The following SLC4A4 variants were observed in gnomAD, a reference collection of about 807,000 sequenced individuals.
SLC4A4 encodes the protein electrogenic sodium bicarbonate cotransporter 1.
Under a neutral mutation model 111.5 loss-of-function variants are expected in SLC4A4, and 27 were observed. The observed-to-expected ratio is 0.24, with a 90% CI of 0.18 to 0.33. The LOEUF is 0.33. Among genes scored for constraint, SLC4A4 ranks in the 10% least tolerant of loss-of-function variants. The pLI is 1.00. For synonymous variants in SLC4A4, 443 were observed against 463.4 expected (o/e 0.96, Z 0.57); for missense variants, 909 against 1,315.5 (o/e 0.69, Z 4.78).
intron 1 of SLC4A4, among the ~76,000 whole-genome samples, chr4:71,228,536 G>C (rs1719192712): frequency 6.6e-6 from 1 of 152,164 alleles, no homozygotes; most frequent in Non-Finnish European, 1.5e-5. Flanking sequence ...CATTTTAAAA[G>C]ACACTGAAGT....
chr4:71,266,639 G>C (rs1481636192), intron 3 of SLC4A4, among the ~76,000 whole-genome samples: 2 of 151,984 alleles, frequency 1.3e-5, no homozygotes, highest in Non-Finnish European at 2.9e-5. Flanking sequence ...TGGCCAGAAA[G>C]CCAAATGAAT....
intron 14 of SLC4A4, 107 bp downstream of exon 14, chr4:71,473,077 C>G (rs763920146): frequency 1.9e-5 from 24 of 1,280,100 alleles, no homozygotes; most frequent in Middle Eastern, 1.8e-4. Context: ...AGGAATTAGT[C>G]TTGTTTTTTT....
intron 3 of SLC4A4, among the ~76,000 whole-genome samples, chr4:71,323,771 CTTT>C (rs1182076780): frequency 6.6e-6 from 1 of 152,082 alleles, no homozygotes; most frequent in African/African-American, 2.4e-5. Context: ...ATCTAGACTT[CTTT>C]GTCTCCTGGT....
chr4:71,357,616 G>T lies in SLC4A4; in HGVS notation c.730+429G>T, dbSNP rs187756058. Among the ~76,000 whole-genome samples, 333 of 152,254 alleles carry T rather than the reference G, an allele frequency of 2.2e-3. 3 individuals carry two copies. The highest frequency in any genetic ancestry group is 0.01 in the Middle Eastern group (3 of 294). On this transcript the variant is annotated intron_variant, in intron 6 of 25. Transcript: ENST00000264485. ...TGAAATCTCCTATCACAAAGTGTTT[G>T]CTTAGTATGTGAAATGGTGTCCAGT... is the stretch of plus-strand genomic sequence containing the variant.
chr4:71,152,935 T>C (rs1488539282), intron 2 of SLC4A4, among the ~76,000 whole-genome samples: 1 of 149,690 alleles, frequency 6.7e-6, no homozygotes, highest in African/African-American at 2.4e-5. Flanking sequence ...ATATATCACA[T>C]ATATATATCC....
At chr4:71,197,770 C>CTGAAGAAATATGTATTTATTA (rs1226480271) in intron 1 of SLC4A4, among the ~76,000 whole-genome samples, 3 of 152,078 alleles carry the variant, frequency 2.0e-5, no homozygotes, top group African/African-American at 7.2e-5. Context: ...TATACTTGCT[C>CTGAAGAAATATGTATTTATTA]TGAAGAAATA....
In SLC4A4 at chr4:71,447,673, G is replaced by A. The variant is rs1725360760; in HGVS notation, c.993G>A (p.Lys331=). The change falls in exon 9 of 26, where the codon AAG becomes AAA. Residue 331 remains lysine, a synonymous_variant. Transcript: ENST00000264485. ...TCTTGTTCATTCTCTTAGGTCCTAA[G>A]GGGAAAGCCAAGTCCTACCACGAGA... ...TRFLFILLGP[K]GKAKSYHEIG... 2 of 1,612,706 alleles carry A rather than the reference G, an allele frequency of 1.2e-6. No homozygotes were observed. Among genetic ancestry groups the A allele is most frequent in the African/African-American group, 1.3e-5 (1 of 74,986 alleles).
At chr4:71,396,023 T>C (rs888220344) in intron 6 of SLC4A4, among the ~76,000 whole-genome samples, 1 of 152,224 alleles carries the variant, frequency 6.6e-6, no homozygotes, top group Non-Finnish European at 1.5e-5. Context: ...TCTATTAGTT[T>C]CAATCTCAGC....
intron 2 of SLC4A4, among the ~76,000 whole-genome samples, chr4:71,253,811 G>A (rs1371691562): frequency 1.3e-5 from 2 of 152,150 alleles, no homozygotes; most frequent in African/African-American, 4.8e-5. Context: ...GAGTTGCTGC[G>A]TGTGTGTTGG....
intron 3 of SLC4A4, among the ~76,000 whole-genome samples, chr4:71,278,017 T>G (rs1723213555): frequency 6.6e-6 from 1 of 152,190 alleles, no homozygotes; most frequent in Non-Finnish European, 1.5e-5. Flanking sequence ...TTAACTATAG[T>G]CACCATACTT....
intron 2 of SLC4A4, among the ~76,000 whole-genome samples, chr4:71,147,363 G>C (rs1744203784): frequency 6.6e-6 from 1 of 151,520 alleles, no homozygotes. Flanking sequence ...CCTCACCTCT[G>C]TCTGCCTTTT....
In SLC4A4 at chr4:71,451,169, G is replaced by T. The variant is rs375890830; in HGVS notation, c.1209-19G>T. Reference sequence around the variant, plus strand: ...ATAAAATAAACTAATATACTCTTGGGCTCTGTTGTCTTGCTTAGAAAGAAT... The same window carrying T: ...ATAAAATAAACTAATATACTCTTGGTCTCTGTTGTCTTGCTTAGAAAGAAT... On this transcript the variant is annotated intron_variant, in intron 10 of 25. Coordinates refer to ENST00000264485, the MANE Select transcript of SLC4A4 (RefSeq NM_001098484.3). 72 of 1,439,464 alleles carry T rather than the reference G, an allele frequency of 5.0e-5. No individual in the cohort carries two copies. The highest frequency in any genetic ancestry group is 6.7e-5 in the Non-Finnish European group (68 of 1,020,678). 89.2% of individuals were successfully genotyped at this position (1,439,464 alleles called of 1,614,324 possible). A position where few individuals can be genotyped will look rare whatever the true frequency, so the allele number is the denominator to read the frequency against.
At position 71,410,601 on chromosome 4, in the gene SLC4A4, T is replaced by A. The variant is rs1039958521; in HGVS notation, c.807+12948T>A. Among the ~76,000 whole-genome samples the A allele has an allele frequency of 5.3e-5, 8 of 152,324 alleles. No homozygotes were observed. The East Asian group carries it at 1.5e-3, about 29-fold the overall frequency. ...TCACAGGCAAAAGGGACTTGCCTTG[T>A]CTCAGGTGAGACTTTGGACTGTGGA... On this transcript the variant is annotated intron_variant, in intron 7 of 25. Coordinates refer to ENST00000264485, the MANE Select transcript of SLC4A4 (RefSeq NM_001098484.3).
At chr4:71,476,442 C>CAAGTCAT (rs1728381207) in intron 14 of SLC4A4, among the ~76,000 whole-genome samples, 1 of 151,680 alleles carries the variant, frequency 6.6e-6, no homozygotes, top group Non-Finnish European at 1.5e-5. Flanking sequence ...TGTTTTTCAA[C>CAAGTCAT]ACTGGGACAG....
intron 1 of SLC4A4, among the ~76,000 whole-genome samples, chr4:71,082,187 G>C (rs961765545): frequency 6.6e-6 from 1 of 152,028 alleles, no homozygotes; most frequent in Non-Finnish European, 1.5e-5. Flanking sequence ...TATTCCGATA[G>C]ATTCTGTACT....
At chr4:71,391,066 G>A (rs964582787) in intron 6 of SLC4A4, among the ~76,000 whole-genome samples, 3 of 152,072 alleles carry the variant, frequency 2.0e-5, no homozygotes, top group Non-Finnish European at 4.4e-5. Context: ...ACATCAATGA[G>A]TCAATGTGGG....
intron 1 of SLC4A4, among the ~76,000 whole-genome samples, chr4:71,203,079 T>A (rs544926524): frequency 1.3e-5 from 2 of 152,198 alleles, no homozygotes; most frequent in African/African-American, 4.8e-5. Flanking sequence ...GAAGAGTGAA[T>A]ATGGATAAAA....
intron 15 of SLC4A4, among the ~76,000 whole-genome samples, chr4:71,492,422 G>T (rs1473344291): frequency 1.3e-5 from 2 of 151,858 alleles, no homozygotes; most frequent in Admixed American, 1.3e-4. Flanking sequence ...TCTTGAAAAA[G>T]ATATCTCAAA....
intron 3 of SLC4A4, among the ~76,000 whole-genome samples, chr4:71,283,698 T>C (rs1177812280): frequency 6.6e-6 from 1 of 152,208 alleles, no homozygotes; most frequent in African/African-American, 2.4e-5. Context: ...TTTACAGAAA[T>C]GGGAGACCAA....
Sources: allele counts gnomAD v4.1 joint callset (sites outside exome capture counted in the v4.1 genomes callset), GRCh38; gene constraint gnomAD v4.1.1; transcripts MANE v1.5; gene names NCBI Gene and HGNC (gene_info 2026-07-23, HGNC 2026-07-21).